The following ADAMTS20 variants were observed in gnomAD, a reference collection of about 807,000 sequenced individuals.
The protein encoded by ADAMTS20 is A disintegrin and metalloproteinase with thrombospondin motifs 20.
ADAMTS20 carries 225 observed loss-of-function variants against 260.1 expected under a neutral mutation model. That is an observed-to-expected ratio of 0.87 (90% confidence interval 0.78 to 0.97). The LOEUF (loss-of-function observed/expected upper bound fraction) is 0.97. Among genes scored for constraint, ADAMTS20 ranks in the 50% least tolerant of loss-of-function variants. The pLI is 0.00. For missense variants in ADAMTS20, 2,400 were observed against 2,337.7 expected, an observed-to-expected ratio of 1.03 and a Z score of -0.55; for synonymous variants, 802 against 769.5, an observed-to-expected ratio of 1.04 and a Z score of -0.70.
At chr12:43,353,032 T>C (rs1191860674), downstream of ADAMTS20, among the ~76,000 whole-genome samples, 1 of 152,152 alleles carries the variant, frequency 6.6e-6, no homozygotes, top group Non-Finnish European at 1.5e-5. Context: ...AGTACACTAG[T>C]ATTCACTGGC....
intron 18 of ADAMTS20, among the ~76,000 whole-genome samples, chr12:43,437,162 C>G (rs1052659612): frequency 2.0e-5 from 3 of 152,070 alleles, no homozygotes; most frequent in Non-Finnish European, 4.4e-5. Flanking sequence ...AACTTAAAGA[C>G]TATGATTAAT....
At chr12:43,446,458 T>C in intron 15 of ADAMTS20, 137 bp downstream of exon 15, 1 of 592,820 alleles carries the variant, frequency 1.7e-6, no homozygotes, top group Non-Finnish European at 2.9e-6. Context: ...ATTTAGGAAA[T>C]TTTTCCTTAA....
Position 43,430,337 on chromosome 12 carries a change from C to T in ADAMTS20, c.3381+15G>A. Reference sequence around the variant, plus strand: ...CTCATAAATCTTTTTGTTTGTAAACCATGATTCTTTTTACCTGTCTGTCAC... The same window carrying T: ...CTCATAAATCTTTTTGTTTGTAAACTATGATTCTTTTTACCTGTCTGTCAC... On this transcript the variant is annotated intron_variant, in intron 23 of 38. Transcript: ENST00000389420. 6.2e-7 allele frequency: 1 copy of T among 1,605,324 alleles called. No homozygotes were observed. Among genetic ancestry groups the T allele is most frequent in the Non-Finnish European group, 8.5e-7 (1 of 1,175,980 alleles).
chr12:43,373,629 T>C (rs900243183), intron 36 of ADAMTS20, among the ~76,000 whole-genome samples: 1 of 151,844 alleles, frequency 6.6e-6, no homozygotes, highest in African/African-American at 2.4e-5. Flanking sequence ...AAGCTTGTAT[T>C]ATATGTAAAA....
chr12:43,383,291 C>A (rs529541357), intron 31 of ADAMTS20, among the ~76,000 whole-genome samples: 1 of 152,170 alleles, frequency 6.6e-6, no homozygotes, highest in Non-Finnish European at 1.5e-5. Context: ...GACAACTGTA[C>A]GGTGCCAGTT....
At chr12:43,382,842 G>T (rs1464562062) in intron 31 of ADAMTS20, among the ~76,000 whole-genome samples, 1 of 151,898 alleles carries the variant, frequency 6.6e-6, no homozygotes, top group Non-Finnish European at 1.5e-5. Context: ...AAACAGACTG[G>T]ATGGGGATCA....
intron 37 of ADAMTS20, among the ~76,000 whole-genome samples, chr12:43,362,923 A>G (rs1292840681): frequency 1.3e-5 from 2 of 151,862 alleles, no homozygotes; most frequent in African/African-American, 4.8e-5. Flanking sequence ...ATTATCTCCT[A>G]AAGCCTCCAG....
At chr12:43,470,075 T>G (rs1196914385) in intron 7 of ADAMTS20, among the ~76,000 whole-genome samples, 1 of 152,186 alleles carries the variant, frequency 6.6e-6, no homozygotes, top group African/African-American at 2.4e-5. Flanking sequence ...TGTAGAGAAA[T>G]TATTTCCTCT....
intron 3 of ADAMTS20, among the ~76,000 whole-genome samples, chr12:43,524,341 A>G (rs900071873): frequency 6.6e-6 from 1 of 151,890 alleles, no homozygotes; most frequent in Non-Finnish European, 1.5e-5. Flanking sequence ...ATGGAAAAAA[A>G]GAAATTAAAA....
At chr12:43,445,677 TAC>T (rs56762980) in intron 15 of ADAMTS20, among the ~76,000 whole-genome samples, 21 of 148,590 alleles carry the variant, frequency 1.4e-4, no homozygotes, top group Non-Finnish European at 2.4e-4. Context: ...GACCCATCTC[TAC>T]ACACACACAC....
At chr12:43,411,338 TC>T (rs1445301570) in intron 28 of ADAMTS20, among the ~76,000 whole-genome samples, 1 of 149,872 alleles carries the variant, frequency 6.7e-6, no homozygotes. Context: ...AAATTGGTTT[TC>T]AAAAAGCATC....
intron 7 of ADAMTS20, among the ~76,000 whole-genome samples, chr12:43,477,237 A>T (rs1357723920): frequency 6.6e-6 from 1 of 152,124 alleles, no homozygotes. Context: ...TTCTATAGGA[A>T]TAGTCCAGAA....
At chr12:43,360,464 A>C (rs1303209292) in intron 37 of ADAMTS20, among the ~76,000 whole-genome samples, 1 of 152,066 alleles carries the variant, frequency 6.6e-6, no homozygotes, top group Non-Finnish European at 1.5e-5. Flanking sequence ...AATAAATAAA[A>C]ATAAATTTTA....
intron 7 of ADAMTS20, among the ~76,000 whole-genome samples, chr12:43,474,457 G>GA (rs1203417080): frequency 6.7e-6 from 1 of 148,988 alleles, no homozygotes; most frequent in African/African-American, 2.5e-5. Flanking sequence ...CCAATCAATA[G>GA]AAAAAGAGGG....
At position 43,550,986 on chromosome 12, in the gene ADAMTS20, G is replaced by C. The variant is rs1436360645; in HGVS notation, c.376C>G (p.Leu126Val). Residue 126 changes from leucine (L) to valine (V), a missense_variant, in exon 2 of 39, where the codon CTG (leucine) becomes GTG (valine). Coordinates refer to ENST00000389420, the MANE Select transcript of ADAMTS20 (RefSeq NM_025003.5). ...TGGCCGCGGTAGAAGCAGTGGCGCA[G>C]GTCCGAGGGCCCTGCGTCGCTCTCC... ...AWESDAGPSD[L>V]RHCFYRGQVN... 1 of 1,611,324 alleles carries C rather than the reference G, an allele frequency of 6.2e-7. No individual in the cohort carries two copies. Among genetic ancestry groups the C allele is most frequent in the South Asian group, 1.1e-5 (1 of 90,896 alleles).
At chr12:43,371,645 C>T (rs1380147933) in intron 36 of ADAMTS20, among the ~76,000 whole-genome samples, 2 of 152,052 alleles carry the variant, frequency 1.3e-5, no homozygotes, top group South Asian at 2.1e-4. Context: ...TGAATGTTCC[C>T]GGCAGATGGA....
At chr12:43,414,191 A>T (rs1219725442) in intron 28 of ADAMTS20, among the ~76,000 whole-genome samples, 1 of 152,176 alleles carries the variant, frequency 6.6e-6, no homozygotes, top group Non-Finnish European at 1.5e-5. Flanking sequence ...TAAAGTAGCA[A>T]GTTTTCTCTC....
At chr12:43,407,691 G>T (rs980734421) in intron 28 of ADAMTS20, among the ~76,000 whole-genome samples, 1 of 151,974 alleles carries the variant, frequency 6.6e-6, no homozygotes, top group African/African-American at 2.4e-5. Flanking sequence ...GAGAATTAAA[G>T]GACTCAATTA....
intron 20 of ADAMTS20, 35 bp downstream of exon 20, chr12:43,432,566 G>C: frequency 1.2e-6 from 2 of 1,606,362 alleles, no homozygotes; most frequent in Non-Finnish European, 1.7e-6. Flanking sequence ...AGAAAGAAAG[G>C]GGCAACTTTT....
Sources: gnomAD v4.1 joint callset for allele counts (sites outside exome capture counted in the v4.1 genomes callset) on GRCh38, gnomAD v4.1.1 for gene constraint, MANE v1.5 for transcripts, NCBI Gene and HGNC (gene_info 2026-07-23, HGNC 2026-07-21) for gene names.